PAK3: variants seen among roughly 807,000 people sequenced by gnomAD.
PAK3 encodes the protein p21 (RAC1) activated kinase 3.
PAK3 carries 4 observed loss-of-function variants against 41.0 expected under a neutral mutation model. That is an observed-to-expected ratio of 0.10 (90% CI 0.05 to 0.22). The LOEUF is 0.22. Among genes scored for constraint, PAK3 ranks in the 10% least tolerant of loss-of-function variants. The pLI, the probability that PAK3 is intolerant of heterozygous loss-of-function variation, is 1.00. For missense variants in PAK3, 205 were observed against 409.9 expected (o/e 0.50, Z 4.32); for synonymous variants, 146 against 139.6 (o/e 1.05, Z -0.32).
rs201575979 is a variant in PAK3, at chrX:111,212,344, T to G, written c.1408-4077T>G. On this transcript the variant is annotated intron_variant, in intron 16 of 17. Transcript: ENST00000372007. Reference sequence around the variant, plus strand: ...ACCCTTTTTGTTGTCATTGTTTTATTGGCTACAACTGTATTTGTCTCTCAT... The same window carrying G: ...ACCCTTTTTGTTGTCATTGTTTTATGGGCTACAACTGTATTTGTCTCTCAT... Among the ~76,000 whole-genome samples the G allele has an allele frequency of 2.6e-4, 29 of 112,265 alleles. No individual in the cohort carries two copies. In the South Asian group the frequency reaches 3.0e-3, roughly 11 times the overall value.
At chrX:111,059,156 G>A (rs191374445) in intron 1 of PAK3, among the ~76,000 whole-genome samples, 61 of 55,566 alleles carry the variant, frequency 1.1e-3, no homozygotes, top group African/African-American at 3.4e-3. Flanking sequence ...AAAGGCCATT[G>A]GAGGCTTTTG....
intron 11 of PAK3, among the ~76,000 whole-genome samples, chrX:111,188,642 C>T (rs756520201): frequency 1.8e-5 from 2 of 111,460 alleles, no homozygotes; most frequent in East Asian, 5.7e-4. Flanking sequence ...ACTAATAGTT[C>T]GGTGTACCAG....
intron 1 of PAK3, among the ~76,000 whole-genome samples, chrX:111,087,195 G>A (rs757319826): frequency 9.1e-6 from 1 of 109,320 alleles, no homozygotes; most frequent in South Asian, 4.0e-4. Flanking sequence ...TGGGAGAGAG[G>A]TGGTGAACCA....
At position 110,963,307 on chromosome X, in the gene PAK3, G is replaced by A. The variant is rs1388569422; in HGVS notation, c.-28+18679G>A. Among the ~76,000 whole-genome samples, 16 of 111,945 alleles carry A rather than the reference G, an allele frequency of 1.4e-4. No homozygotes were observed. The Admixed American group carries it at 1.5e-3, about 11-fold the overall frequency. ...ACATCCTGTCCAGTCCTCATGCTGT[G>A]GTCTCCATGGGAACTAATTCCCAGT... is the stretch of plus-strand genomic sequence containing the variant. On this transcript the variant is annotated intron_variant, in intron 1 of 14. Coordinates refer to the PAK3 transcript ENST00000425146.
chrX:111,047,329 C>T (rs748473764), intron 1 of PAK3, among the ~76,000 whole-genome samples: 1 of 110,917 alleles, frequency 9.0e-6, no homozygotes, highest in African/African-American at 3.3e-5. Flanking sequence ...AAGACAGAAC[C>T]GTGTTATCAG....
intron 1 of PAK3, among the ~76,000 whole-genome samples, chrX:111,004,579 C>T (rs2091895163): frequency 8.9e-6 from 1 of 112,445 alleles, no homozygotes; most frequent in Non-Finnish European, 1.9e-5. Flanking sequence ...CCTATGAAAA[C>T]ACTTCCTAAA....
intron 11 of PAK3, among the ~76,000 whole-genome samples, chrX:111,186,689 C>G (rs748952951): frequency 2.5e-4 from 28 of 111,460 alleles, no homozygotes; most frequent in African/African-American, 9.1e-4. Flanking sequence ...GAATCAATAT[C>G]GTGAAAATGC....
intron 1 of PAK3, among the ~76,000 whole-genome samples, chrX:111,081,354 A>G (rs895226765): frequency 1.8e-5 from 2 of 110,964 alleles, no homozygotes; most frequent in African/African-American, 6.6e-5. Context: ...ACAAAAAAAT[A>G]CAAAAATTCA....
chrX:111,086,287 C>G (rs1860918892), intron 1 of PAK3, among the ~76,000 whole-genome samples: 1 of 111,365 alleles, frequency 9.0e-6, no homozygotes, highest in Non-Finnish European at 1.9e-5. Flanking sequence ...ATACACTCAC[C>G]ATCACCCTCC....
intron 8 of PAK3, among the ~76,000 whole-genome samples, chrX:111,159,021 G>A (rs2094139706): frequency 9.0e-6 from 1 of 111,301 alleles, no homozygotes; most frequent in African/African-American, 3.3e-5. Flanking sequence ...CACTTGTAGA[G>A]GTCACATCAT....
chrX:110,966,684 G>A (rs986221223), intron 1 of PAK3, among the ~76,000 whole-genome samples: 2 of 110,699 alleles, frequency 1.8e-5, no homozygotes, highest in East Asian at 2.8e-4. Context: ...GCAAAATAGT[G>A]TTACACCATT....
intron 1 of PAK3, among the ~76,000 whole-genome samples, chrX:111,070,407 C>T (rs1429938909): frequency 8.9e-6 from 1 of 111,813 alleles, no homozygotes; most frequent in Non-Finnish European, 1.9e-5. Flanking sequence ...CCACAGCATT[C>T]CTCAAAAAGA....
chrX:111,038,476 T>C (rs975788879), intron 1 of PAK3, among the ~76,000 whole-genome samples: 1 of 112,024 alleles, frequency 8.9e-6, no homozygotes, highest in African/African-American at 3.2e-5. Flanking sequence ...ATAAAATCCC[T>C]TCTGAGGTTA....
intron 4 of PAK3, among the ~76,000 whole-genome samples, chrX:111,117,485 C>T (rs937759762): frequency 9.0e-6 from 1 of 111,663 alleles, no homozygotes; most frequent in African/African-American, 3.3e-5. Flanking sequence ...AAGAGCAAGA[C>T]GTGGAAGCCC....
chrX:111,098,348 A>C (rs2093049739), intron 3 of PAK3, among the ~76,000 whole-genome samples: 1 of 102,671 alleles, frequency 9.7e-6, no homozygotes, highest in African/African-American at 3.6e-5. Flanking sequence ...AAAAAAAAAA[A>C]TCAGGTGTAC....
At chrX:110,982,007 C>T (rs1390426818) in intron 1 of PAK3, among the ~76,000 whole-genome samples, 1 of 109,878 alleles carries the variant, frequency 9.1e-6, no homozygotes. Context: ...CAGAAAGAGG[C>T]AAATAGAGGG....
chrX:110,967,422 G>A (rs913006063), intron 1 of PAK3, among the ~76,000 whole-genome samples: 2 of 111,333 alleles, frequency 1.8e-5, no homozygotes, highest in African/African-American at 6.5e-5. Context: ...AGGGACAAAG[G>A]CATAACTAGG....
At chrX:111,096,640 C>A (rs1200674034) in intron 1 of PAK3, 1 of 110,880 alleles carries the variant, frequency 9.0e-6, no homozygotes, top group Admixed American at 9.5e-5. Context: ...GGGCCGTTCC[C>A]AGAGGGCCGG....
At chrX:111,099,741 A>T (rs2093088695) in intron 3 of PAK3, among the ~76,000 whole-genome samples, 3 of 99,838 alleles carry the variant, frequency 3.0e-5, no homozygotes, top group African/African-American at 1.1e-4. Flanking sequence ...TGTCCCAGAC[A>T]GTGACAGTCT....
Sources: gnomAD v4.1 joint callset for allele counts (sites outside exome capture counted in the v4.1 genomes callset) on GRCh38, gnomAD v4.1.1 for gene constraint, MANE v1.5 for transcripts, NCBI Gene and HGNC (gene_info 2026-07-23, HGNC 2026-07-21) for gene names.